PDE1B: variants seen among roughly 807,000 people sequenced by gnomAD.
The protein encoded by PDE1B is dual specificity calcium/calmodulin-dependent 3',5'-cyclic nucleotide phosphodiesterase 1B.
In PDE1B, 13 loss-of-function variants were observed where a neutral mutation model predicts 66.7. The observed-to-expected ratio is 0.19, with a 90% CI of 0.13 to 0.31. The LOEUF (loss-of-function observed/expected upper bound fraction) is 0.31. Among genes scored for constraint, PDE1B ranks in the 10% least tolerant of loss-of-function variants. The pLI is 1.00. For synonymous variants in PDE1B, 230 were observed against 253.9 expected, an observed-to-expected ratio of 0.91 and a Z score of 0.90; for missense variants, 485 against 682.3, an observed-to-expected ratio of 0.71 and a Z score of 3.22.
intron 3 of PDE1B, among the ~76,000 whole-genome samples, chr12:54,568,137 G>A (rs1334204040): frequency 3.3e-5 from 5 of 152,136 alleles, no homozygotes; most frequent in Non-Finnish European, 2.9e-5. Context: ...GATTACAGGC[G>A]TGAGCTACCG....
intron 5 of PDE1B, 110 bp from the exon 6 acceptor site, chr12:54,570,131 C>T: frequency 1.4e-6 from 1 of 704,094 alleles, no homozygotes; most frequent in Admixed American, 2.1e-5. Flanking sequence ...TTTACCATTT[C>T]TTTGCTTTCC....
In PDE1B at chr12:54,577,298, T is replaced by C; in HGVS notation, c.1581T>C (p.Asp527=). Residue 527 remains aspartate (D), a synonymous_variant, in exon 15 of 16, where the codon GAT becomes GAC. Coordinates refer to ENST00000243052, the MANE Select transcript of PDE1B (RefSeq NM_000924.4). ...AGGCCCCCCCATCCCCTGCCGAAGA[T>C]GAACACAACCAGAATGGGAATCTGG... is the stretch of plus-strand genomic sequence containing the variant. ...EEEAPPSPAE[D]EHNQNGNLD 1.9e-6 allele frequency: 3 copies of C among 1,607,864 alleles called. No homozygotes were observed. Among genetic ancestry groups the C allele is most frequent in the African/African-American group, 1.3e-5 (1 of 74,576 alleles).
chr12:54,577,621 C>A, intron 15 of PDE1B: 3 of 1,428,154 alleles, frequency 2.1e-6, no homozygotes, highest in Non-Finnish European at 1.9e-6. Flanking sequence ...CTAACCTGCA[C>A]CGCACCTTAG....
intron 2 of PDE1B, among the ~76,000 whole-genome samples, chr12:54,557,877 C>G (rs1021489626): frequency 6.6e-6 from 1 of 152,084 alleles, no homozygotes; most frequent in South Asian, 2.1e-4. Flanking sequence ...GGACTGGGTA[C>G]TGGGAGCCTC....
rs1425398155 is a variant in PDE1B at position 54,569,912 on chromosome 12, C to G, written c.477+300C>G. On this transcript the variant is annotated intron_variant, in intron 5 of 15. Coordinates refer to ENST00000243052, the MANE Select transcript of PDE1B (RefSeq NM_000924.4). This position sits in a 1 kb window ranked among gnomAD's most constrained non-coding sequence, Gnocchi z 4.4. The stretch of plus-strand genomic sequence containing the variant: ...ATGGGGTTTCACCATGTTGGCCAGG[C>G]TGGTCTCGAACTCTTGACCTCAAGT... Among the ~76,000 whole-genome samples, 1 of 152,146 alleles carries G rather than the reference C, an allele frequency of 6.6e-6. No homozygotes were observed. The highest frequency in any genetic ancestry group is 2.4e-5 in the African/African-American group (1 of 41,430).
chr12:54,559,409 G>A (rs577546529), intron 2 of PDE1B, among the ~76,000 whole-genome samples: 1 of 152,000 alleles, frequency 6.6e-6, no homozygotes, highest in Non-Finnish European at 1.5e-5. Flanking sequence ...AATCCATACT[G>A]GACCCTTTGT....
Position 54,549,944 on chromosome 12 carries a change from G to C in PDE1B, c.72G>C (p.Lys24Asn). The C allele has an allele frequency of 6.2e-7, 1 of 1,614,194 alleles. No individual in the cohort carries two copies. Reference sequence around the variant, plus strand: ...ATTGCCCGTCACCCCTGGAGCTGAAGTCAGCCCCCAGCAAGAAGATGTGGA... The same window carrying C: ...ATTGCCCGTCACCCCTGGAGCTGAACTCAGCCCCCAGCAAGAAGATGTGGA... ...ESDCPSPLEL[K>N]SAPSKKMWIK... The change falls in exon 2 of 16, where the codon AAG (lysine) becomes AAC (asparagine). Residue 24 changes from lysine to asparagine, a missense_variant. Transcript: ENST00000243052.
intron 2 of PDE1B, among the ~76,000 whole-genome samples, chr12:54,562,706 G>A (rs2121077157): frequency 6.6e-6 from 1 of 152,222 alleles, no homozygotes; most frequent in African/African-American, 2.4e-5. Flanking sequence ...GAAAGTATGG[G>A]GTGTGTGTGT....
chr12:54,557,444 A>G (rs1957355639), intron 2 of PDE1B, among the ~76,000 whole-genome samples: 1 of 152,192 alleles, frequency 6.6e-6, no homozygotes, highest in Non-Finnish European at 1.5e-5. Context: ...AGCCAGTCAG[A>G]AAGGATGAAC....
chr12:54,552,940 T>A (rs59424738), intron 2 of PDE1B, among the ~76,000 whole-genome samples: 2,633 of 152,348 alleles, frequency 0.017, 35 homozygotes, highest in Non-Finnish European at 0.025. Flanking sequence ...TCTTTTGTGA[T>A]TCAAGAAAAA....
At chr12:54,567,232 T>G in intron 3 of PDE1B, 145 bp downstream of exon 3, 1 of 494,214 alleles carries the variant, frequency 2.0e-6, no homozygotes. Context: ...GAGCTCTAGG[T>G]AGTGGCTCAC....
At chr12:54,574,506 A>T (rs570368243) in intron 10 of PDE1B, 1 of 152,462 alleles carries the variant, frequency 6.6e-6, no homozygotes, top group African/African-American at 2.4e-5. Flanking sequence ...GGAAATTTTA[A>T]GTAACTTGCT....
At position 54,549,995 on chromosome 12, in the gene PDE1B, C is replaced by G. The variant is rs765567190; in HGVS notation, c.113+10C>G. 2 of 1,612,448 alleles carry G rather than the reference C, an allele frequency of 1.2e-6. No homozygotes were observed. The highest frequency in any genetic ancestry group is 1.7e-6 in the Non-Finnish European group (2 of 1,179,102). On this transcript the variant is annotated intron_variant, in intron 2 of 15. Coordinates refer to ENST00000243052, the MANE Select transcript of PDE1B (RefSeq NM_000924.4). ...TTAAGCTTCGGTCTCTGTAAGTCCC[C>G]GGCCCGGGAATGGGGGGAAGGGACC...
chr12:54,575,967 C>A lies in PDE1B; in HGVS notation c.1268-25C>A. The stretch of plus-strand genomic sequence containing the variant: ...CCCTCCAGATAATAGTAAGACATCT[C>A]TACGGCATTGCTCCTCCACTGCAGG... On this transcript the variant is annotated intron_variant, in intron 12 of 15. Transcript: ENST00000243052. This position sits in a 1 kb window ranked among gnomAD's most constrained non-coding sequence, Gnocchi z 4.0. 1 of 1,486,656 alleles carries A rather than the reference C, an allele frequency of 6.7e-7. No homozygotes were observed. The highest frequency in any genetic ancestry group is 9.4e-7 in the Non-Finnish European group (1 of 1,063,992). The allele number at this position is 1,486,656 out of a possible 1,614,324, so 92.1% of individuals were successfully genotyped here.
chr12:54,553,585 G>A (rs1284996161), intron 2 of PDE1B, among the ~76,000 whole-genome samples: 1 of 152,176 alleles, frequency 6.6e-6, no homozygotes, highest in African/African-American at 2.4e-5. Flanking sequence ...TTAAATAAAG[G>A]AATGAACAAA....
At chr12:54,560,967 G>A (rs1957400929) in intron 2 of PDE1B, among the ~76,000 whole-genome samples, 1 of 152,080 alleles carries the variant, frequency 6.6e-6, no homozygotes, top group South Asian at 2.1e-4. Flanking sequence ...AGGATCCCCT[G>A]ACACCTAGCT....
chr12:54,576,008 T>C lies in PDE1B; in HGVS notation c.1284T>C (p.Ile428=). The change falls in exon 13 of 16, where the codon ATT becomes ATC. Residue 428 remains isoleucine, a synonymous_variant. Coordinates refer to ENST00000243052, the MANE Select transcript of PDE1B (RefSeq NM_000924.4). ...CCACTGCAGGGTTCATCGACTTCAT[T>C]GTGGAGCCCACATTCTCTGTGCTGA... The part of the protein sequence containing the change: ...AQSQIGFIDF[I]VEPTFSVLTD... 6.2e-7 allele frequency: 1 copy of C among 1,612,838 alleles called. No homozygotes were observed. Among genetic ancestry groups the C allele is most frequent in the Non-Finnish European group, 8.5e-7 (1 of 1,178,752 alleles).
Position 54,575,506 on chromosome 12 carries a change from T to A in PDE1B, c.1186-45T>A, listed in dbSNP as rs1432966313. On this transcript the variant is annotated intron_variant, in intron 11 of 15. Transcript: ENST00000243052. This position sits in a 1 kb window ranked among gnomAD's most constrained non-coding sequence, Gnocchi z 4.0. ...CCACCTGTACCCCAGATCTGGTAGG[T>A]CTGAGGTATCCTCTCCAGCTTTCCT... 4 of 1,395,654 alleles carry A rather than the reference T, an allele frequency of 2.9e-6. No individual in the cohort carries two copies. 86.5% of individuals were successfully genotyped at this position (1,395,654 alleles called of 1,614,324 possible).
intron 2 of PDE1B, 43 bp downstream of exon 2, chr12:54,550,028 G>C (rs371388766): frequency 1.9e-6 from 3 of 1,600,166 alleles, no homozygotes; most frequent in African/African-American, 2.7e-5. Flanking sequence ...ACCTTAGGGA[G>C]CCTGAGCGGG....
Sources: gnomAD v4.1 joint callset for allele counts (sites outside exome capture counted in the v4.1 genomes callset) on GRCh38, gnomAD v4.1.1 for gene constraint, Gnocchi (gnomAD v3.1) non-coding constraint, MANE v1.5 for transcripts, NCBI Gene and HGNC (gene_info 2026-07-23, HGNC 2026-07-21) for gene names.